The following CDKAL1 variants were observed in gnomAD, a reference collection of about 807,000 sequenced individuals.
CDKAL1 encodes the protein CDKAL1 threonylcarbamoyladenosine tRNA methylthiotransferase.
CDKAL1 carries 32 observed loss-of-function variants against 68.2 expected under a neutral mutation model. The observed-to-expected ratio is 0.47, with a 90% CI of 0.35 to 0.63. The LOEUF (loss-of-function observed/expected upper bound fraction) is 0.63. CDKAL1 is among the 30% of genes least tolerant of loss of function. The pLI, the probability that CDKAL1 is intolerant of heterozygous loss-of-function variation, is 0.00. For synonymous variants in CDKAL1, 234 were observed against 244.3 expected (o/e 0.96, Z 0.39); for missense variants, 606 against 696.7 (o/e 0.87, Z 1.47).
intron 13 of CDKAL1, among the ~76,000 whole-genome samples, chr6:21,140,915 C>A (rs1444949804): frequency 6.6e-6 from 1 of 152,094 alleles, no homozygotes; most frequent in Non-Finnish European, 1.5e-5. Context: ...TCTTACATGG[C>A]GGCGCCAGGA....
chr6:21,154,915 C>A (rs1480371123), intron 13 of CDKAL1, among the ~76,000 whole-genome samples: 1 of 152,034 alleles, frequency 6.6e-6, no homozygotes, highest in Non-Finnish European at 1.5e-5. Context: ...ATCACTTGAA[C>A]CCAGGAGGCG....
chr6:20,738,201 CAAAGCATCA>C lies in CDKAL1; in HGVS notation c.372-1314_372-1306del, dbSNP rs1269924551. On this transcript the variant is annotated intron_variant, in intron 5 of 15. Coordinates refer to ENST00000274695, the MANE Select transcript of CDKAL1 (RefSeq NM_017774.3). ...CCAAAGACTCAGCAATAAAAGTGAA[CAAAGCATCA>C]AAACACACTCCAATACCCGTACACA... Among the ~76,000 whole-genome samples, 5 of 152,162 alleles carry C rather than the reference CAAAGCATCA, an allele frequency of 3.3e-5. No homozygotes were observed. The East Asian group carries it at 9.7e-4, about 29-fold the overall frequency.
chr6:20,642,591 G>A (rs1278138077), intron 4 of CDKAL1, among the ~76,000 whole-genome samples: 3 of 151,964 alleles, frequency 2.0e-5, no homozygotes, highest in African/African-American at 7.3e-5. Flanking sequence ...CCAGATTGGC[G>A]GAAGTCCAAA....
chr6:20,819,492 GCTCTGT>G (rs1357546628), intron 8 of CDKAL1, among the ~76,000 whole-genome samples: 1 of 152,072 alleles, frequency 6.6e-6, no homozygotes, highest in Non-Finnish European at 1.5e-5. Context: ...TTCATTTAGA[GCTCTGT>G]CTCCTGTTTT....
intron 8 of CDKAL1, among the ~76,000 whole-genome samples, chr6:20,810,041 C>T (rs193194989): frequency 5.9e-5 from 9 of 152,248 alleles, no homozygotes; most frequent in Admixed American, 1.3e-4. Context: ...TGGACAGCCC[C>T]GCAGACTGAT....
At chr6:21,140,666 A>G (rs941229680) in intron 13 of CDKAL1, among the ~76,000 whole-genome samples, 1 of 152,104 alleles carries the variant, frequency 6.6e-6, no homozygotes, top group Non-Finnish European at 1.5e-5. Flanking sequence ...AACATGCTAA[A>G]TGTTGCACAG....
At chr6:21,086,721 A>C (rs904915298) in intron 12 of CDKAL1, among the ~76,000 whole-genome samples, 4 of 152,124 alleles carry the variant, frequency 2.6e-5, no homozygotes, top group South Asian at 2.1e-4. Context: ...CGACTGCCCA[A>C]GACCAGCTTT....
intron 8 of CDKAL1, among the ~76,000 whole-genome samples, chr6:20,799,541 G>A (rs921722659): frequency 3.3e-5 from 5 of 152,094 alleles, no homozygotes; most frequent in Admixed American, 6.5e-5. Context: ...GGATTATGTC[G>A]TGATTTGACT....
At chr6:20,972,750 G>A (rs1765656716) in intron 10 of CDKAL1, among the ~76,000 whole-genome samples, 1 of 152,186 alleles carries the variant, frequency 6.6e-6, no homozygotes, top group Admixed American at 6.5e-5. Flanking sequence ...CAGAGACCGT[G>A]AAAGGAGAAC....
intron 5 of CDKAL1, among the ~76,000 whole-genome samples, chr6:20,651,019 A>C (rs780788459): frequency 5.3e-5 from 8 of 151,670 alleles, no homozygotes; most frequent in Non-Finnish European, 4.4e-5. Flanking sequence ...TTTTCTTAGG[A>C]TTGTCTTGGC....
chr6:21,000,440 AC>A, intron 11 of CDKAL1, 68 bp downstream of exon 11: 2 of 1,352,002 alleles, frequency 1.5e-6, no homozygotes, highest in South Asian at 1.3e-5. Context: ...GCAAAAATGC[AC>A]TTATTGCAGC....
At chr6:20,942,094 T>C (rs1056677057) in intron 9 of CDKAL1, among the ~76,000 whole-genome samples, 1 of 152,278 alleles carries the variant, frequency 6.6e-6, no homozygotes, top group African/African-American at 2.4e-5. Context: ...TTGATTTAGC[T>C]CCTTTTAGAT....
intron 4 of CDKAL1, among the ~76,000 whole-genome samples, chr6:20,629,210 G>A (rs879484730): frequency 1.3e-5 from 2 of 152,042 alleles, no homozygotes; most frequent in African/African-American, 2.4e-5. Context: ...TCTTGATTTG[G>A]CTTTCTCTGA....
At chr6:20,964,180 G>A (rs1368965703) in intron 10 of CDKAL1, among the ~76,000 whole-genome samples, 1 of 152,188 alleles carries the variant, frequency 6.6e-6, no homozygotes, top group African/African-American at 2.4e-5. Context: ...CGAGGGTACG[G>A]AGAAAAAGGA....
chr6:20,947,449 G>C (rs946836824), intron 9 of CDKAL1, among the ~76,000 whole-genome samples: 1 of 152,098 alleles, frequency 6.6e-6, no homozygotes, highest in Non-Finnish European at 1.5e-5. Flanking sequence ...AAATTTGCCA[G>C]GTGTGGTGCC....
chr6:21,004,358 G>A (rs1385428196), intron 11 of CDKAL1, among the ~76,000 whole-genome samples: 2 of 152,156 alleles, frequency 1.3e-5, no homozygotes, highest in African/African-American at 4.8e-5. Context: ...CATCACAACA[G>A]CAGCTGGATA....
At chr6:21,160,322 A>G (rs1022075250) in intron 13 of CDKAL1, among the ~76,000 whole-genome samples, 9 of 150,478 alleles carry the variant, frequency 6.0e-5, no homozygotes, top group South Asian at 2.1e-4. Context: ...TTTTGAGATG[A>G]AGTCTCGCTC....
chr6:20,890,693 C>T (rs1761347200), intron 9 of CDKAL1, among the ~76,000 whole-genome samples: 1 of 152,162 alleles, frequency 6.6e-6, no homozygotes, highest in African/African-American at 2.4e-5. Flanking sequence ...GATTCTGCGT[C>T]AGCGGGTCTA....
intron 5 of CDKAL1, among the ~76,000 whole-genome samples, chr6:20,717,167 G>C (rs562741793): frequency 6.6e-6 from 1 of 152,112 alleles, no homozygotes; most frequent in African/African-American, 2.4e-5. Context: ...CCAAGGAAGT[G>C]AGATAAAGTA....
Sources: allele counts gnomAD v4.1 joint callset (sites outside exome capture counted in the v4.1 genomes callset), GRCh38; gene constraint gnomAD v4.1.1; transcripts MANE v1.5; gene names NCBI Gene and HGNC (gene_info 2026-07-23, HGNC 2026-07-21).